The following MAK variants were observed in gnomAD, a reference collection of about 807,000 sequenced individuals.
MAK encodes male germ cell associated kinase.
MAK carries 65 observed loss-of-function variants against 82.6 expected under a neutral mutation model. That is an observed-to-expected ratio of 0.79 (90% CI 0.64 to 0.97). The LOEUF (loss-of-function observed/expected upper bound fraction) is 0.97. Ranked by LOEUF, MAK falls within the 50% of genes least tolerant of loss-of-function variation. The probability of loss-of-function intolerance (pLI) is 0.00; values close to 1 mark genes in which losing one functional copy is unlikely to be tolerated. For synonymous variants in MAK, 250 were observed against 274.2 expected, an observed-to-expected ratio of 0.91 and a Z score of 0.87; for missense variants, 703 against 780.2, an observed-to-expected ratio of 0.90 and a Z score of 1.18.
intron 14 of MAK, among the ~76,000 whole-genome samples, chr6:10,766,726 G>A (rs948038720): frequency 6.6e-6 from 1 of 152,024 alleles, no homozygotes; most frequent in Non-Finnish European, 1.5e-5. Context: ...AATAAGCCCC[G>A]CTTATTCAGG....
intron 8 of MAK, among the ~76,000 whole-genome samples, chr6:10,798,655 C>T (rs1207864198): frequency 1.3e-5 from 2 of 151,618 alleles, no homozygotes; most frequent in African/African-American, 2.4e-5. Context: ...ATATATTTTT[C>T]AAAAACAAAA....
rs1773392410 is a variant in MAK at position 10,775,543 on chromosome 6, C to T, written c.1466-84G>A. On this transcript the variant is annotated intron_variant, in intron 11 of 14. Transcript: ENST00000354489. The stretch of plus-strand genomic sequence containing the variant: ...CTTATGTAATACATTCAAACAAAGA[C>T]TAGAGACACCTTGGACAGGAGAATG... The T allele has an allele frequency of 5.7e-6, 8 of 1,409,984 alleles. No individual in the cohort carries two copies. In the South Asian group the frequency reaches 8.1e-5, roughly 14 times the overall value. 87.3% of individuals were successfully genotyped at this position (1,409,984 alleles called of 1,614,324 possible).
intron 2 of MAK, among the ~76,000 whole-genome samples, chr6:10,827,392 A>C (rs1778459145): frequency 6.6e-6 from 1 of 152,152 alleles, no homozygotes; most frequent in Non-Finnish European, 1.5e-5. Flanking sequence ...GAATTTACAT[A>C]ATCATTTAAT....
intron 6 of MAK, among the ~76,000 whole-genome samples, chr6:10,805,318 T>G (rs1776342893): frequency 6.6e-6 from 1 of 152,214 alleles, no homozygotes; most frequent in Non-Finnish European, 1.5e-5. Flanking sequence ...CCAGGCACAG[T>G]GGCTCACACC....
At chr6:10,802,293 TTTTTTTTGTTTG>T in intron 7 of MAK, 1 of 463,124 alleles carries the variant, frequency 2.2e-6, no homozygotes, top group Admixed American at 3.9e-5. Flanking sequence ...CTTTTATAGC[TTTTTTTTGTTTG>T]TTTTTTTGTG....
At chr6:10,804,679 C>T (rs1776273031) in intron 6 of MAK, among the ~76,000 whole-genome samples, 1 of 152,114 alleles carries the variant, frequency 6.6e-6, no homozygotes, top group Non-Finnish European at 1.5e-5. Context: ...ACTCAATTTA[C>T]AAGAGCAAAG....
rs933559397 is a variant in MAK at position 10,800,162 on chromosome 6, A to G, written c.831+1730T>C. Among the ~76,000 whole-genome samples the G allele has an allele frequency of 2.0e-5, 3 of 152,142 alleles. No homozygotes were observed. Among genetic ancestry groups the G allele is most frequent in the Non-Finnish European group, 4.4e-5 (3 of 68,024 alleles). On this transcript the variant is annotated intron_variant, in intron 8 of 14. Coordinates refer to ENST00000354489, the MANE Select transcript of MAK (RefSeq NM_001242957.3). This position sits in a 1 kb window ranked among gnomAD's most constrained non-coding sequence, Gnocchi z 4.2. ...GCACCTGCAATCCCAGCAACTCGGG[A>G]GGCTGAGGCAGGAGAATCGCCTGAA...
intron 10 of MAK, among the ~76,000 whole-genome samples, chr6:10,789,906 T>A (rs1369678431): frequency 6.6e-6 from 1 of 152,162 alleles, no homozygotes; most frequent in Non-Finnish European, 1.5e-5. Flanking sequence ...TCCACCTACC[T>A]CAGCCTCCCA....
In MAK at chr6:10,763,713, T is replaced by C. The variant is rs930122950; in HGVS notation, c.*739A>G. 31 of 152,202 alleles carry C rather than the reference T, an allele frequency of 2.0e-4. No individual in the cohort carries two copies. The highest frequency in any genetic ancestry group is 6.8e-4 in the African/African-American group (28 of 41,476). 9.4% of individuals were successfully genotyped at this position (152,202 alleles called of 1,614,324 possible). On this transcript the variant is annotated 3_prime_UTR_variant, in exon 15 of 15. Transcript: ENST00000354489. Reference sequence around the variant, plus strand: ...TAATACTACAAAAATTAGCCAGGCATGGTGGCACACGCCTCTAATCCCAGC... The same window carrying C: ...TAATACTACAAAAATTAGCCAGGCACGGTGGCACACGCCTCTAATCCCAGC...
At position 10,775,413 on chromosome 6, in the gene MAK, T is replaced by C. The variant is rs868455090; in HGVS notation, c.1512A>G (p.Ile504Met). Residue 504 changes from isoleucine to methionine, a missense_variant, in exon 12 of 15, where the codon ATA (isoleucine) becomes ATG (methionine). Coordinates refer to ENST00000354489, the MANE Select transcript of MAK (RefSeq NM_001242957.3). ...KVSLIASGKE[I>M]NPHTWSNQLF... ...ACTGGTTGCTCCAAGTGTGGGGGTT[T>C]ATTTCCTTTCCACTGGCTATCAAGG... 6.2e-7 allele frequency: 1 copy of C among 1,613,976 alleles called. No homozygotes were observed. Among genetic ancestry groups the C allele is most frequent in the African/African-American group, 1.3e-5 (1 of 75,050 alleles).
At chr6:10,796,823 A>C (rs1414994856) in intron 8 of MAK, among the ~76,000 whole-genome samples, 1 of 141,822 alleles carries the variant, frequency 7.1e-6, no homozygotes, top group Non-Finnish European at 1.5e-5. Flanking sequence ...AAAAAAAAAA[A>C]GTACTAGTAG....
intron 6 of MAK, among the ~76,000 whole-genome samples, chr6:10,806,978 T>C (rs1776516328): frequency 6.6e-6 from 1 of 152,148 alleles, no homozygotes. Flanking sequence ...CACGGACTCC[T>C]TTCTTTCAGC....
At chr6:10,815,912 G>GTACATATATA (rs1554184484) in intron 4 of MAK, among the ~76,000 whole-genome samples, 40 of 108,340 alleles carry the variant, frequency 3.7e-4, no homozygotes, top group Admixed American at 9.6e-4. Context: ...GCTTTATACA[G>GTACATATATA]TATATATATA....
intron 14 of MAK, 52 bp from the exon 15 acceptor site, chr6:10,764,658 CT>C: frequency 6.6e-7 from 1 of 1,522,912 alleles, no homozygotes; most frequent in Non-Finnish European, 9.1e-7. Context: ...GCTTATCAAA[CT>C]CAAAATAAAG....
Position 10,793,900 on chromosome 6 carries a change from G to A in MAK, c.1144-2053C>T, listed in dbSNP as rs1385885824. Among the ~76,000 whole-genome samples, 2 of 152,150 alleles carry A rather than the reference G, an allele frequency of 1.3e-5. No individual in the cohort carries two copies. The highest frequency in any genetic ancestry group is 3.9e-4 in the East Asian group (2 of 5,186). Reference sequence around the variant, plus strand: ...TAGAATGTCGGAGGTGATTCGCCCTGCTCTATATTCCCTGCCTGCTGTCTG... The same window carrying A: ...TAGAATGTCGGAGGTGATTCGCCCTACTCTATATTCCCTGCCTGCTGTCTG... On this transcript the variant is annotated intron_variant, in intron 9 of 14. Transcript: ENST00000354489. This position sits in a 1 kb window ranked among gnomAD's most constrained non-coding sequence, Gnocchi z 4.6.
At chr6:10,830,910 T>C (rs1778768033) in intron 1 of MAK, 33 bp from the exon 2 acceptor site, 2 of 438,760 alleles carry the variant, frequency 4.6e-6, no homozygotes, top group Non-Finnish European at 8.4e-6. Flanking sequence ...TCATGAATTT[T>C]CATTAACAAG....
Position 10,830,607 on chromosome 6 carries a change from C to G in MAK, c.42G>C (p.Thr14=). The G allele has an allele frequency of 1.2e-6, 2 of 1,614,148 alleles. No individual in the cohort carries two copies. Among genetic ancestry groups the G allele is most frequent in the Non-Finnish European group, 1.7e-6 (2 of 1,179,988 alleles). Residue 14 remains threonine, a synonymous_variant, in exon 2 of 15, where the codon ACG becomes ACC. Transcript: ENST00000354489. The stretch of plus-strand genomic sequence containing the variant: ...TCTTGCCCATAAGCACACTCCCATA[C>G]GTGCCGTCCCCCAACTGTCTCATGG... ...YTTMRQLGDG[T]YGSVLMGKSN... is the part of the protein sequence containing the mutation.
chr6:10,784,043 C>A (rs1293297998), intron 11 of MAK, among the ~76,000 whole-genome samples: 1 of 151,400 alleles, frequency 6.6e-6, no homozygotes, highest in Non-Finnish European at 1.5e-5. Context: ...AACAAACAAA[C>A]AAAAAAATGT....
At chr6:10,815,912 G>GTGTATGTATATATATATATA (rs1554184483) in intron 4 of MAK, among the ~76,000 whole-genome samples, 4 of 108,346 alleles carry the variant, frequency 3.7e-5, no homozygotes, top group African/African-American at 1.8e-4. Flanking sequence ...GCTTTATACA[G>GTGTATGTATATATATATATA]TATATATATA....
Sources: allele counts gnomAD v4.1 joint callset (sites outside exome capture counted in the v4.1 genomes callset), GRCh38; gene constraint gnomAD v4.1.1; non-coding constraint Gnocchi (gnomAD v3.1); transcripts MANE v1.5; gene names NCBI Gene and HGNC (gene_info 2026-07-23, HGNC 2026-07-21).